Variants in GSAP observed in about 807,000 individuals in gnomAD.
GSAP encodes the protein gamma-secretase-activating protein.
GSAP carries 118 observed loss-of-function variants against 131.7 expected under a neutral mutation model. The ratio of observed to expected loss-of-function variants is 0.90; its 90% CI spans 0.77 to 1.04. The LOEUF (loss-of-function observed/expected upper bound fraction) is 1.04. GSAP is among the 50% of genes least tolerant of loss of function. GSAP has a pLI of 0.00. For missense variants in GSAP, 1,019 were observed against 1,013.2 expected, an observed-to-expected ratio of 1.01 and a Z score of -0.08; for synonymous variants, 381 against 363.4, an observed-to-expected ratio of 1.05 and a Z score of -0.55.
chr7:77,402,771 G>A (rs957110068), intron 3 of GSAP, among the ~76,000 whole-genome samples: 13 of 150,660 alleles, frequency 8.6e-5, no homozygotes, highest in African/African-American at 2.7e-4. Flanking sequence ...TAGCGACTAC[G>A]GTTCAGAAGA....
intron 5 of GSAP, among the ~76,000 whole-genome samples, chr7:77,394,350 A>G (rs906157597): frequency 6.6e-6 from 1 of 152,160 alleles, no homozygotes. Context: ...TCTACCAAGT[A>G]TAGTCCTGTG....
At chr7:77,412,776 C>CAAA (rs34619648) in intron 1 of GSAP, among the ~76,000 whole-genome samples, 4 of 110,714 alleles carry the variant, frequency 3.6e-5, no homozygotes, top group East Asian at 2.6e-4. Context: ...ACCAGTTTGA[C>CAAA]AAAAAAAAAA....
chr7:77,361,423 A>T (rs1386128047), intron 13 of GSAP, among the ~76,000 whole-genome samples: 1 of 152,212 alleles, frequency 6.6e-6, no homozygotes, highest in Non-Finnish European at 1.5e-5. Context: ...TCAATAGATT[A>T]ACCATTAGAA....
chr7:77,376,682 C>T (rs1361886366), intron 10 of GSAP, among the ~76,000 whole-genome samples, 166 bp downstream of exon 10: 3 of 148,662 alleles, frequency 2.0e-5, no homozygotes, highest in African/African-American at 7.5e-5. Flanking sequence ...GAGGCTGAGG[C>T]AGGAGAATGG....
intron 12 of GSAP, among the ~76,000 whole-genome samples, chr7:77,369,260 G>A (rs562856604): frequency 7.2e-5 from 11 of 152,280 alleles, no homozygotes; most frequent in African/African-American, 9.6e-5. Context: ...ATTAGGTAGG[G>A]AAATAGTAAG....
At position 77,314,482 on chromosome 7, in the gene GSAP, A is replaced by G; in HGVS notation, c.2097T>C (p.His699=). The stretch of plus-strand genomic sequence containing the variant: ...GGACCCCGAGGATGGTGTGCAGAGT[A>G]TGAAAACCTAGGATGAGAGATCTGG... ...SLFLPLPPGF[H]TLHTILGVQC... The change falls in exon 27 of 31, where the codon CAT becomes CAC. Residue 699 remains histidine (H), a synonymous_variant. Coordinates refer to ENST00000257626, the MANE Select transcript of GSAP (RefSeq NM_017439.4). The G allele has an allele frequency of 6.2e-7, 1 of 1,613,662 alleles. No homozygotes were observed. The highest frequency in any genetic ancestry group is 1.1e-5 in the South Asian group (1 of 91,080).
Position 77,330,205 on chromosome 7 carries a change from G to A in GSAP, c.1674+34C>T, listed in dbSNP as rs369195305. On this transcript the variant is annotated intron_variant, in intron 20 of 30. Coordinates refer to ENST00000257626, the MANE Select transcript of GSAP (RefSeq NM_017439.4). ...ACCTGGATCCAGTCCACTATGCCTC[G>A]CTGCTGGCTTTGTTCTCACTGACCC... The A allele has an allele frequency of 3.8e-5, 61 of 1,584,652 alleles. 1 individual carries two copies. Among genetic ancestry groups the A allele is most frequent in the Admixed American group, 5.3e-5 (3 of 56,708 alleles).
At chr7:77,345,348 C>T (rs1300140183) in intron 19 of GSAP, among the ~76,000 whole-genome samples, 1 of 152,152 alleles carries the variant, frequency 6.6e-6, no homozygotes, top group East Asian at 1.9e-4. Flanking sequence ...CCCTGAGAAA[C>T]ATTGCCCATT....
chr7:77,392,655 G>A (rs1799772082), intron 5 of GSAP, among the ~76,000 whole-genome samples: 1 of 152,170 alleles, frequency 6.6e-6, no homozygotes, highest in Non-Finnish European at 1.5e-5. Context: ...TCAGGCAGAG[G>A]GATAGACATG....
intron 23 of GSAP, among the ~76,000 whole-genome samples, chr7:77,324,798 G>T (rs1788100208): frequency 7.6e-6 from 1 of 132,376 alleles, no homozygotes; most frequent in African/African-American, 2.8e-5. Flanking sequence ...AATGTTGCAT[G>T]TTTGTCGTGT....
rs776409490 is a variant in GSAP, at chr7:77,376,829, G to C, written c.741+19C>G. ...TGTATCATAAACTTTCCTGTAGTGT[G>C]ATCATTTTCTGGACTTACCATTAAG... On this transcript the variant is annotated intron_variant, in intron 10 of 30. Transcript: ENST00000257626. 1.8e-6 allele frequency: 2 copies of C among 1,110,218 alleles called. No individual in the cohort carries two copies. The highest frequency in any genetic ancestry group is 2.7e-6 in the Non-Finnish European group (2 of 751,492). The allele number at this position is 1,110,218 out of a possible 1,614,324, so 68.8% of individuals were successfully genotyped here. A position where few individuals can be genotyped will look rare whatever the true frequency, so the allele number is the denominator to read the frequency against.
At chr7:77,408,139 A>C (rs529042738) in intron 1 of GSAP, among the ~76,000 whole-genome samples, 1 of 152,346 alleles carries the variant, frequency 6.6e-6, no homozygotes, top group Admixed American at 6.5e-5. Flanking sequence ...TCTTAGTTGC[A>C]TAAGTGTGTT....
intron 13 of GSAP, 30 bp from the exon 14 acceptor site, chr7:77,360,931 T>C: frequency 7.4e-7 from 1 of 1,346,536 alleles, no homozygotes; most frequent in East Asian, 2.3e-5. Context: ...AGCCAGAGAA[T>C]GTTAAACAAA....
chr7:77,392,307 G>T (rs1183431435), intron 5 of GSAP, among the ~76,000 whole-genome samples: 1 of 151,748 alleles, frequency 6.6e-6, no homozygotes, highest in Non-Finnish European at 1.5e-5. Flanking sequence ...TAACATATTG[G>T]GTGGCTGAGG....
rs1408538871 is a variant in GSAP at position 77,310,780 on chromosome 7, A to G, written c.*578T>C. 1 of 152,170 alleles carries G rather than the reference A, an allele frequency of 6.6e-6. No homozygotes were observed. Among genetic ancestry groups the G allele is most frequent in the Non-Finnish European group, 1.5e-5 (1 of 68,030 alleles). The allele number at this position is 152,170 out of a possible 1,614,324, so 9.4% of individuals were successfully genotyped here. A position where few individuals can be genotyped will look rare whatever the true frequency, so the allele number is the denominator to read the frequency against. On this transcript the variant is annotated 3_prime_UTR_variant, in exon 31 of 31. Coordinates refer to ENST00000257626, the MANE Select transcript of GSAP (RefSeq NM_017439.4). The stretch of plus-strand genomic sequence containing the variant: ...TTTTCAGGTTTTTTAATGACTGACA[A>G]AATATTCCTAAATCAACCTTTTATA...
At position 77,353,598 on chromosome 7, in the gene GSAP, A is replaced by G; in HGVS notation, c.1382T>C (p.Phe461Ser). The change falls in exon 17 of 31, where the codon TTT becomes TCT. Residue 461 changes from phenylalanine (F) to serine (S), a missense_variant. Coordinates refer to ENST00000257626, the MANE Select transcript of GSAP (RefSeq NM_017439.4). ...ISENVSACHS[F>S]DLIQEFIIAS... ...AATTATAAATTCCTGAATGAGGTCA[A>G]ATGAATGGCAGGCAGAGACATTCTC... 1.2e-6 allele frequency: 2 copies of G among 1,611,152 alleles called. No individual in the cohort carries two copies. The highest frequency in any genetic ancestry group is 1.3e-5 in the African/African-American group (1 of 74,998).
chr7:77,355,952 C>T (rs1793656791), intron 14 of GSAP, among the ~76,000 whole-genome samples: 1 of 151,726 alleles, frequency 6.6e-6, no homozygotes, highest in African/African-American at 2.4e-5. Flanking sequence ...CCACAACACC[C>T]CACTAATATT....
chr7:77,311,309 A>T lies in GSAP; in HGVS notation c.*49T>A. The stretch of plus-strand genomic sequence containing the variant: ...AAAGAATTCTCAAAGGAGTAAGGTT[A>T]ATGAGCAAGATTAAAATGGCAGCAG... On this transcript the variant is annotated 3_prime_UTR_variant, in exon 31 of 31. Coordinates refer to ENST00000257626, the MANE Select transcript of GSAP (RefSeq NM_017439.4). 9.8e-7 allele frequency: 1 copy of T among 1,024,560 alleles called. No homozygotes were observed. The highest frequency in any genetic ancestry group is 1.6e-6 in the Non-Finnish European group (1 of 645,010). The allele number at this position is 1,024,560 out of a possible 1,614,324, so 63.5% of individuals were successfully genotyped here.
intron 19 of GSAP, chr7:77,330,646 A>G (rs750148382): frequency 1.3e-5 from 13 of 1,037,586 alleles, no homozygotes; most frequent in Middle Eastern, 4.6e-4. Flanking sequence ...CCCAAAACCA[A>G]CAGGACTTCC....
Sources: gnomAD v4.1 joint callset for allele counts (sites outside exome capture counted in the v4.1 genomes callset) on GRCh38, gnomAD v4.1.1 for gene constraint, MANE v1.5 for transcripts, NCBI Gene and HGNC (gene_info 2026-07-23, HGNC 2026-07-21) for gene names.